Variants in PTPRN2 observed in about 807,000 individuals in gnomAD.
PTPRN2 encodes the protein receptor-type tyrosine-protein phosphatase N2.
PTPRN2 carries 74 observed loss-of-function variants against 118.8 expected under a neutral mutation model. The ratio of observed to expected loss-of-function variants is 0.62; its 90% CI spans 0.52 to 0.76. The LOEUF (loss-of-function observed/expected upper bound fraction) is 0.76. Ranked by LOEUF, PTPRN2 falls within the 30% of genes least tolerant of loss-of-function variation. PTPRN2 has a pLI of 0.00. For missense variants in PTPRN2, 1,481 were observed against 1,394.4 expected (o/e 1.06, Z -0.99); for synonymous variants, 641 against 608.0 (o/e 1.05, Z -0.80).
At chr7:157,662,202 T>G (rs146719758) in intron 13 of PTPRN2, among the ~76,000 whole-genome samples, 1 of 152,312 alleles carries the variant, frequency 6.6e-6, no homozygotes, top group East Asian at 1.9e-4. Flanking sequence ...TGGTACCGAC[T>G]TCACCGCTGG....
chr7:158,247,089 G>A (rs532325499), intron 3 of PTPRN2, among the ~76,000 whole-genome samples: 4 of 152,184 alleles, frequency 2.6e-5, no homozygotes, highest in Non-Finnish European at 5.9e-5. Context: ...TCCCTGGCAC[G>A]GGCTGCCTCA....
rs1321443370 is a variant in PTPRN2, at chr7:157,787,753, C to T, written c.1789-104816G>A. ...GGTGGTGGCTGGGTGAGCCCAGCCC[C>T]ATCTTTCCCTCGGACTTCATTTGTG... On this transcript the variant is annotated intron_variant, in intron 12 of 22. Coordinates refer to ENST00000389418, the MANE Select transcript of PTPRN2 (RefSeq NM_002847.5). The surrounding 1 kb of genome is among the most constrained non-coding windows in gnomAD (Gnocchi z 5.3). 6.6e-6 allele frequency among the ~76,000 whole-genome samples: 1 copy of T among 152,150 alleles called. No individual in the cohort carries two copies. Among genetic ancestry groups the T allele is most frequent in the Admixed American group, 6.5e-5 (1 of 15,284 alleles).
At chr7:158,354,872 T>C (rs1197204527) in intron 2 of PTPRN2, among the ~76,000 whole-genome samples, 1 of 152,142 alleles carries the variant, frequency 6.6e-6, no homozygotes, top group Non-Finnish European at 1.5e-5. Flanking sequence ...CTCAGGCTTT[T>C]AATAATTAAA....
rs1040596009 is a variant in PTPRN2, at chr7:157,587,816, A to G, written c.2496+7422T>C. ...AGTTGTCCTCTTGGCTGAGCCTCCC[A>G]TACAGGGAGCCAGTTCCCACGGTGG... On this transcript the variant is annotated intron_variant, in intron 17 of 22. Coordinates refer to ENST00000389418, the MANE Select transcript of PTPRN2 (RefSeq NM_002847.5). The surrounding 1 kb of genome is among the most constrained non-coding windows in gnomAD (Gnocchi z 5.3). Among the ~76,000 whole-genome samples, 3 of 152,194 alleles carry G rather than the reference A, an allele frequency of 2.0e-5. No individual in the cohort carries two copies. The highest frequency in any genetic ancestry group is 7.2e-5 in the African/African-American group (3 of 41,446).
chr7:157,796,645 C>G (rs1285874821), intron 12 of PTPRN2, among the ~76,000 whole-genome samples: 1 of 152,182 alleles, frequency 6.6e-6, no homozygotes, highest in South Asian at 2.1e-4. Context: ...GAGGCTTAAT[C>G]GGCTCAGAGC....
At chr7:157,755,320 G>A (rs1801717110) in intron 12 of PTPRN2, among the ~76,000 whole-genome samples, 1 of 152,232 alleles carries the variant, frequency 6.6e-6, no homozygotes, top group African/African-American at 2.4e-5. Context: ...GAGAAAATCT[G>A]TAATTCCAAA....
chr7:158,342,290 T>C (rs1807030848), intron 2 of PTPRN2, among the ~76,000 whole-genome samples: 3 of 125,420 alleles, frequency 2.4e-5, no homozygotes, highest in African/African-American at 3.2e-5. Flanking sequence ...ACCATAGAGC[T>C]GACACCCGCA....
intron 1 of PTPRN2, among the ~76,000 whole-genome samples, chr7:158,584,960 C>T (rs532364691): frequency 1.7e-3 from 261 of 152,320 alleles, no homozygotes; most frequent in African/African-American, 6.1e-3. Context: ...CTTGGATCTC[C>T]TTGAACCACA....
At chr7:157,908,502 A>C (rs1055657114) in intron 11 of PTPRN2, among the ~76,000 whole-genome samples, 1 of 152,142 alleles carries the variant, frequency 6.6e-6, no homozygotes, top group African/African-American at 2.4e-5. Context: ...CCAGGTGCCC[A>C]CTCTTGCGTT....
At chr7:157,600,640 C>T (rs766315933) in intron 16 of PTPRN2, among the ~76,000 whole-genome samples, 1 of 152,230 alleles carries the variant, frequency 6.6e-6, no homozygotes, top group Admixed American at 6.5e-5. Context: ...AACTTCTGAA[C>T]TCAAGTGATT....
chr7:157,910,343 G>A (rs960179604), intron 11 of PTPRN2, among the ~76,000 whole-genome samples: 4 of 148,522 alleles, frequency 2.7e-5, no homozygotes, highest in African/African-American at 5.0e-5. Flanking sequence ...TACGCCGTGG[G>A]AACGGGTCCA....
intron 13 of PTPRN2, among the ~76,000 whole-genome samples, chr7:157,657,298 TATAC>T (rs1250467890): frequency 3.1e-5 from 1 of 32,704 alleles, no homozygotes; most frequent in Non-Finnish European, 6.5e-5. Flanking sequence ...ACATCACACA[TATAC>T]ACACACACAC....
chr7:158,357,725 T>C (rs1453883738), intron 2 of PTPRN2, among the ~76,000 whole-genome samples: 1 of 152,192 alleles, frequency 6.6e-6, no homozygotes, highest in African/African-American at 2.4e-5. Flanking sequence ...CCCGTAAGGT[T>C]CCAGGGACCA....
At chr7:158,540,918 G>T (rs1438826814) in intron 1 of PTPRN2, among the ~76,000 whole-genome samples, 1 of 152,198 alleles carries the variant, frequency 6.6e-6, no homozygotes, top group Non-Finnish European at 1.5e-5. Context: ...TATTTACCGA[G>T]CGCCAAGCAC....
chr7:158,016,725 AG>A (rs1585207726), intron 11 of PTPRN2, among the ~76,000 whole-genome samples: 1 of 152,202 alleles, frequency 6.6e-6, no homozygotes, highest in Non-Finnish European at 1.5e-5. Context: ...TAACGTGGAG[AG>A]AATTGGGTGG....
intron 12 of PTPRN2, among the ~76,000 whole-genome samples, chr7:157,759,714 G>C (rs1163254901): frequency 6.6e-6 from 1 of 152,218 alleles, no homozygotes; most frequent in African/African-American, 2.4e-5. Flanking sequence ...TGACTTTGAG[G>C]CTTTAAAAAT....
intron 12 of PTPRN2, among the ~76,000 whole-genome samples, chr7:157,773,613 T>TC: frequency 6.6e-6 from 1 of 152,328 alleles, no homozygotes; most frequent in Non-Finnish European, 1.5e-5. Flanking sequence ...TTGCTGTACC[T>TC]CCCACCCAAG....
intron 2 of PTPRN2, among the ~76,000 whole-genome samples, chr7:158,487,637 T>C (rs907759614): frequency 1.3e-5 from 2 of 152,162 alleles, no homozygotes; most frequent in African/African-American, 4.8e-5. Context: ...AAAGAGACCC[T>C]GCGGCTGGTG....
At chr7:158,463,711 C>T (rs1315470416) in intron 2 of PTPRN2, among the ~76,000 whole-genome samples, 1 of 152,186 alleles carries the variant, frequency 6.6e-6, no homozygotes, top group Non-Finnish European at 1.5e-5. Flanking sequence ...TCATCCTTAC[C>T]ATCGCCATCA....
Sources: allele counts gnomAD v4.1 joint callset (sites outside exome capture counted in the v4.1 genomes callset), GRCh38; gene constraint gnomAD v4.1.1; non-coding constraint Gnocchi (gnomAD v3.1); transcripts MANE v1.5; gene names NCBI Gene and HGNC (gene_info 2026-07-23, HGNC 2026-07-21).